LYRM4: variants seen among roughly 807,000 people sequenced by gnomAD.
LYRM4 encodes LYR motif containing 4, also known as LYR motif-containing protein 4.
LYRM4 carries 9 observed loss-of-function variants against 11.7 expected under a neutral mutation model. The ratio of observed to expected loss-of-function variants is 0.77; its 90% CI spans 0.46 to 1.34. LYRM4 has a LOEUF of 1.34. Ranked by LOEUF, LYRM4 falls within the 40% of genes most tolerant of loss-of-function variation. The pLI, the probability that LYRM4 is intolerant of heterozygous loss-of-function variation, is 0.00. For synonymous variants in LYRM4, 42 were observed against 40.4 expected (o/e 1.04, Z -0.15); for missense variants, 133 against 112.5 (o/e 1.18, Z -0.82).
the LYRM4 span, chr6:5,042,609 C>T: frequency 1.3e-5 from 2 of 152,622 alleles, no homozygotes; most frequent in African/African-American, 4.8e-5. Flanking sequence ...ACCTCAGACC[C>T]ACATCCCAGA....
chr6:5,197,588 T>C (rs542711445), intron 2 of LYRM4, among the ~76,000 whole-genome samples: 74 of 152,128 alleles, frequency 4.9e-4, no homozygotes, highest in African/African-American at 1.7e-3. Context: ...GGCAGAGAAC[T>C]GCTTGAACCT....
chr6:5,051,505 G>A, the LYRM4 span, among the ~76,000 whole-genome samples: 1 of 152,214 alleles, frequency 6.6e-6, no homozygotes, highest in African/African-American at 2.4e-5. Context: ...CCAGAAGGCA[G>A]TGAGTTGATA....
At chr6:5,223,579 G>A (rs1447443386) in intron 1 of LYRM4, among the ~76,000 whole-genome samples, 1 of 152,088 alleles carries the variant, frequency 6.6e-6, no homozygotes, top group Non-Finnish European at 1.5e-5. Context: ...AAAAAAAATT[G>A]TCTCTGGCAT....
At chr6:5,082,834 C>G in the LYRM4 span, among the ~76,000 whole-genome samples, 1 of 152,248 alleles carries the variant, frequency 6.6e-6, no homozygotes. Flanking sequence ...TCAGGCCACC[C>G]TGGCCTTCTT....
In LYRM4 at chr6:5,192,970, GC is replaced by G. The variant is rs1581475648; in HGVS notation, c.207+23647del. On this transcript the variant is annotated intron_variant, in intron 2 of 2. Coordinates refer to ENST00000330636, the MANE Select transcript of LYRM4 (RefSeq NM_020408.6). ...GAACCCAGGAGGCAGATTGTAGTGA[GC>G]CAAGATCACGCCACTGTACTCCAGC... Among the ~76,000 whole-genome samples the G allele has an allele frequency of 3.3e-5, 5 of 152,332 alleles. No individual in the cohort carries two copies. In the East Asian group the frequency reaches 9.7e-4, roughly 29 times the overall value.
At chr6:5,107,073 G>A (rs151142901), downstream of LYRM4, 6 of 152,400 alleles carry the variant, frequency 3.9e-5, no homozygotes, top group African/African-American at 9.6e-5. Context: ...AAAGGTGGAG[G>A]ACCAAGGCCT....
intron 2 of LYRM4, chr6:5,144,091 G>A (rs1757561381): frequency 6.6e-7 from 1 of 1,513,992 alleles, no homozygotes; most frequent in Non-Finnish European, 8.8e-7. Context: ...TGCTTAGAGA[G>A]GTGAGAGCGA....
the LYRM4 span, chr6:5,066,926 G>C: frequency 9.0e-7 from 1 of 1,115,120 alleles, no homozygotes; most frequent in Non-Finnish European, 1.2e-6. Flanking sequence ...AGCGACCAGC[G>C]CCCCCCAAGG....
At chr6:5,119,827 CA>C (rs1763336908) in intron 2 of LYRM4, among the ~76,000 whole-genome samples, 1 of 138,344 alleles carries the variant, frequency 7.2e-6, no homozygotes. Flanking sequence ...AAAACAACCA[CA>C]AAAAAGGCCC....
At chr6:5,130,813 GAC>G (rs1442783733) in intron 2 of LYRM4, among the ~76,000 whole-genome samples, 7 of 152,064 alleles carry the variant, frequency 4.6e-5, no homozygotes, top group Admixed American at 4.6e-4. Context: ...GGCTACAGAA[GAC>G]AGTCATTAAG....
chr6:5,199,570 C>T (rs1761266941), intron 2 of LYRM4, among the ~76,000 whole-genome samples: 1 of 152,166 alleles, frequency 6.6e-6, no homozygotes. Flanking sequence ...GTGAAATCTA[C>T]ACAATATTGC....
At chr6:5,197,269 G>C (rs1761110586) in intron 2 of LYRM4, among the ~76,000 whole-genome samples, 3 of 152,208 alleles carry the variant, frequency 2.0e-5, no homozygotes, top group African/African-American at 7.2e-5. Context: ...ATGACACACT[G>C]AGTTGGTTGA....
intron 1 of LYRM4, 40 bp from the exon 2 acceptor site, chr6:5,216,778 G>A (rs773650939): frequency 1.0e-5 from 16 of 1,598,032 alleles, no homozygotes; most frequent in South Asian, 2.2e-5. Flanking sequence ...AGGTGTCAGC[G>A]TGTCTGAGGC....
chr6:5,162,999 T>C (rs1392748196), intron 2 of LYRM4, among the ~76,000 whole-genome samples: 1 of 152,230 alleles, frequency 6.6e-6, no homozygotes, highest in Non-Finnish European at 1.5e-5. Context: ...ATTGTGGATA[T>C]AAATTTTTCA....
chr6:5,180,849 A>T (rs749388934), intron 2 of LYRM4, among the ~76,000 whole-genome samples: 2 of 152,188 alleles, frequency 1.3e-5, no homozygotes. Context: ...AACAGGACTG[A>T]CTGGTCTTGC....
intron 1 of LYRM4, among the ~76,000 whole-genome samples, chr6:5,244,432 C>T (rs993785413): frequency 1.3e-5 from 2 of 152,186 alleles, no homozygotes; most frequent in African/African-American, 4.8e-5. Flanking sequence ...CTCTGTAATA[C>T]ATCCCTTCCC....
At chr6:5,048,817 C>T in the LYRM4 span, among the ~76,000 whole-genome samples, 5 of 152,066 alleles carry the variant, frequency 3.3e-5, no homozygotes, top group East Asian at 1.9e-4. Context: ...CATAAAGAAA[C>T]GTAAATAATG....
At chr6:5,064,083 T>C in the LYRM4 span, among the ~76,000 whole-genome samples, 1 of 152,164 alleles carries the variant, frequency 6.6e-6, no homozygotes, top group Non-Finnish European at 1.5e-5. Context: ...TCTCAACTTG[T>C]GTTTGGCTTT....
At chr6:5,176,740 G>T in intron 2 of LYRM4, among the ~76,000 whole-genome samples, 1 of 152,226 alleles carries the variant, frequency 6.6e-6, no homozygotes, top group East Asian at 1.9e-4. Flanking sequence ...TGAACACAAG[G>T]ATAATGACAG....
Sources: allele counts gnomAD v4.1 joint callset (sites outside exome capture counted in the v4.1 genomes callset), GRCh38; gene constraint gnomAD v4.1.1; transcripts MANE v1.5; gene names NCBI Gene and HGNC (gene_info 2026-07-23, HGNC 2026-07-21).